The following KCTD1 variants were observed in gnomAD, a reference collection of about 807,000 sequenced individuals.
KCTD1 encodes the protein BTB/POZ domain-containing protein KCTD1.
In KCTD1, 24 loss-of-function variants were observed where a neutral mutation model predicts 66.0. That is an observed-to-expected ratio of 0.36 (90% CI 0.26 to 0.51). The LOEUF is 0.51. Among genes scored for constraint, KCTD1 ranks in the 20% least tolerant of loss-of-function variants. The pLI is 0.95. For synonymous variants in KCTD1, 511 were observed against 517.2 expected, an observed-to-expected ratio of 0.99 and a Z score of 0.16; for missense variants, 943 against 1,205.2, an observed-to-expected ratio of 0.78 and a Z score of 3.22.
At chr18:26,527,428 A>C (rs1984217434) in intron 1 of KCTD1, among the ~76,000 whole-genome samples, 1 of 149,380 alleles carries the variant, frequency 6.7e-6, no homozygotes, top group African/African-American at 2.5e-5. Flanking sequence ...CAAGATCTTC[A>C]AACAGGTGAG....
At chr18:26,652,303 T>C (rs1292056482) in intron 1 of KCTD1, among the ~76,000 whole-genome samples, 1 of 152,224 alleles carries the variant, frequency 6.6e-6, no homozygotes, top group African/African-American at 2.4e-5. Context: ...TTTTTCCAAC[T>C]GGAATTTGCC....
At chr18:26,521,971 A>T (rs1465253323) in intron 1 of KCTD1, among the ~76,000 whole-genome samples, 1 of 152,216 alleles carries the variant, frequency 6.6e-6, no homozygotes, top group Non-Finnish European at 1.5e-5. Flanking sequence ...ACCATACCTC[A>T]ATAAAGGTGA....
At chr18:26,568,802 A>G (rs1986040677) in intron 1 of KCTD1, among the ~76,000 whole-genome samples, 1 of 152,202 alleles carries the variant, frequency 6.6e-6, no homozygotes, top group African/African-American at 2.4e-5. Context: ...AAAACACTGG[A>G]AGCTCAACAA....
rs1202678186 is a variant in KCTD1, at chr18:26,568,033, G to A, written c.-16+61114C>T. 2.6e-5 allele frequency among the ~76,000 whole-genome samples: 4 copies of A among 152,184 alleles called. No individual in the cohort carries two copies. In the East Asian group the frequency reaches 5.8e-4, roughly 22 times the overall value. On this transcript the variant is annotated intron_variant, in intron 1 of 4. Transcript: ENST00000317932. ...GATTTTAAGTTAGCACAACATTTTA[G>A]ATCTTTTTCTTCTCTGGCCATTGGA...
At chr18:26,505,307 A>G (rs574090996) in intron 1 of KCTD1, among the ~76,000 whole-genome samples, 1 of 152,364 alleles carries the variant, frequency 6.6e-6, no homozygotes, top group East Asian at 1.9e-4. Context: ...TTCTGGAGAA[A>G]GGAAAACCAT....
upstream of KCTD1, among the ~76,000 whole-genome samples, chr18:26,629,858 T>C (rs765882744): frequency 2.8e-4 from 43 of 152,138 alleles, no homozygotes; most frequent in Admixed American, 2.2e-3. Context: ...GCTGGGATTA[T>C]AGATGTCTGC....
At chr18:26,638,560 G>T (rs1348763118) in intron 1 of KCTD1, among the ~76,000 whole-genome samples, 1 of 152,248 alleles carries the variant, frequency 6.6e-6, no homozygotes, top group African/African-American at 2.4e-5. Flanking sequence ...ACAGTTAGCT[G>T]TGTGACTGTG....
intron 1 of KCTD1, among the ~76,000 whole-genome samples, chr18:26,532,669 A>G (rs550064457): frequency 6.6e-6 from 1 of 152,278 alleles, no homozygotes; most frequent in Non-Finnish European, 1.5e-5. Context: ...AGGTGGTCAG[A>G]GAAGTCTGGC....
chr18:26,650,361 G>T lies in KCTD1; in HGVS notation c.9+6999C>A, dbSNP rs190343249. Among the ~76,000 whole-genome samples, 199 of 152,308 alleles carry T rather than the reference G, an allele frequency of 1.3e-3. 1 individual carries two copies. The highest frequency in any genetic ancestry group is 2.2e-3 in the Non-Finnish European group (147 of 68,010). On this transcript the variant is annotated intron_variant, in intron 1 of 4. Transcript: ENST00000580191. ...TATTTATTGAGCACTTATCCTGTGT[G>T]CCAGGCACTGTATTAAGGAACTGAG... is the stretch of plus-strand genomic sequence containing the variant.
In KCTD1 at chr18:26,492,242, G is replaced by GA. The variant is rs202152098; in HGVS notation, c.1988+8829dup. Among the ~76,000 whole-genome samples the GA allele has an allele frequency of 5.6e-3, 841 of 149,682 alleles. 4 individuals are homozygous for GA. The highest frequency in any genetic ancestry group is 8.8e-3 in the Non-Finnish European group (591 of 67,254). The stretch of plus-strand genomic sequence containing the variant: ...GGGCAATAGAGTGAGACCCTATCTG[G>GA]AAAAAAAAAATTGGAATCTTTGAGG... On this transcript the variant is annotated intron_variant, in intron 2 of 4. Transcript: ENST00000580059.
intron 1 of KCTD1, chr18:26,545,331 C>T (rs902307528): frequency 1.2e-4 from 18 of 152,188 alleles, no homozygotes; most frequent in African/African-American, 4.3e-4. Flanking sequence ...CCTCTCCATT[C>T]TTAAAATTCA....
chr18:26,468,770 C>A lies in KCTD1; in HGVS notation c.2133+7745G>T, dbSNP rs1043197865. On this transcript the variant is annotated intron_variant, in intron 3 of 4. Coordinates refer to ENST00000580059, the MANE Select transcript of KCTD1 (RefSeq NM_001142730.3). This position sits in a 1 kb window ranked among gnomAD's most constrained non-coding sequence, Gnocchi z 4.8. ...GCTGAGGAAAGAGAACTGCTTGAAC[C>A]CGGGAGGCGGAGGTTGCAGTGAGCC... is the stretch of plus-strand genomic sequence containing the variant. Among the ~76,000 whole-genome samples the A allele has an allele frequency of 6.6e-5, 10 of 152,264 alleles. No homozygotes were observed. In the South Asian group the frequency reaches 1.7e-3, roughly 25 times the overall value.
intron 3 of KCTD1, among the ~76,000 whole-genome samples, chr18:26,460,387 T>C (rs116987554): frequency 0.021 from 3,203 of 152,356 alleles, 51 homozygotes; most frequent in Middle Eastern, 0.075. Context: ...AGGGGAGGCA[T>C]AAGCTTGCCA....
At chr18:26,531,368 T>C (rs572693770) in intron 1 of KCTD1, among the ~76,000 whole-genome samples, 3 of 152,098 alleles carry the variant, frequency 2.0e-5, no homozygotes, top group Admixed American at 1.3e-4. Flanking sequence ...CAAAATCAAT[T>C]AGAAAATTTC....
intron 1 of KCTD1, among the ~76,000 whole-genome samples, chr18:26,623,401 A>G (rs1987431710): frequency 6.6e-6 from 1 of 152,172 alleles, no homozygotes; most frequent in African/African-American, 2.4e-5. Flanking sequence ...CACACGTGTC[A>G]TGGGAGGGAC....
chr18:26,623,693 A>T (rs1449353207), intron 1 of KCTD1, among the ~76,000 whole-genome samples: 1 of 152,248 alleles, frequency 6.6e-6, no homozygotes, highest in Non-Finnish European at 1.5e-5. Context: ...GCATAAGAAC[A>T]GACTAATAGA....
intron 1 of KCTD1, among the ~76,000 whole-genome samples, chr18:26,502,187 C>A (rs1207266724): frequency 1.3e-5 from 2 of 152,152 alleles, no homozygotes; most frequent in Admixed American, 1.3e-4. Flanking sequence ...GTAGCTGGGA[C>A]TACAGGCGTC....
At chr18:26,461,394 G>A (rs975875021) in intron 3 of KCTD1, among the ~76,000 whole-genome samples, 3 of 152,210 alleles carry the variant, frequency 2.0e-5, no homozygotes, top group Non-Finnish European at 4.4e-5. Context: ...CCTTACCACA[G>A]GAGTCTTGGT....
At chr18:26,628,571 A>G (rs987479594) in intron 1 of KCTD1, among the ~76,000 whole-genome samples, 2 of 152,070 alleles carry the variant, frequency 1.3e-5, no homozygotes, top group Non-Finnish European at 2.9e-5. Flanking sequence ...GAAATAAAAT[A>G]GTAAAAAAAA....
Sources: gnomAD v4.1 joint callset for allele counts (sites outside exome capture counted in the v4.1 genomes callset) on GRCh38, gnomAD v4.1.1 for gene constraint, Gnocchi (gnomAD v3.1) non-coding constraint, MANE v1.5 for transcripts, NCBI Gene and HGNC (gene_info 2026-07-23, HGNC 2026-07-21) for gene names.